DNAH14: variants seen among roughly 807,000 people sequenced by gnomAD.
DNAH14 encodes axonemal beta dynein heavy chain 14.
DNAH14 carries 478 observed loss-of-function variants against 520.9 expected under a neutral mutation model. The observed-to-expected ratio is 0.92, with a 90% CI of 0.85 to 0.99. DNAH14 has a LOEUF of 0.99. DNAH14 is among the 50% of genes least tolerant of loss of function. DNAH14 has a pLI of 0.00. For missense variants in DNAH14, 4,831 were observed against 5,234.5 expected (o/e 0.92, Z 2.38); for synonymous variants, 1,581 against 1,757.2 (o/e 0.90, Z 2.51).
chr1:225,382,421 T>C (rs2095793870), intron 81 of DNAH14, among the ~76,000 whole-genome samples: 1 of 152,034 alleles, frequency 6.6e-6, no homozygotes, highest in African/African-American at 2.4e-5. Flanking sequence ...AAAGCATAAA[T>C]CCAGGCCGGG....
intron 46 of DNAH14, 113 bp from the exon 47 acceptor site, chr1:225,264,084 C>A: frequency 1.1e-6 from 1 of 877,948 alleles, no homozygotes; most frequent in Non-Finnish European, 1.7e-6. Context: ...AAAAATTTTT[C>A]TTGTAAGAGT....
intron 83 of DNAH14, among the ~76,000 whole-genome samples, chr1:225,391,750 G>T (rs1057122237): frequency 4.6e-5 from 7 of 152,108 alleles, no homozygotes; most frequent in Admixed American, 1.3e-4. Context: ...ATAATGACAG[G>T]CATGGTGAGT....
intron 71 of DNAH14, among the ~76,000 whole-genome samples, chr1:225,349,486 A>T (rs1212477250): frequency 6.6e-6 from 1 of 152,180 alleles, no homozygotes; most frequent in Non-Finnish European, 1.5e-5. Flanking sequence ...ATGGATTAAA[A>T]TCTTCAATAA....
chr1:225,305,237 T>C (rs1264315536), intron 58 of DNAH14, 148 bp downstream of exon 58: 18 of 973,262 alleles, frequency 1.8e-5, no homozygotes, highest in Non-Finnish European at 2.5e-5. Flanking sequence ...AGAGATAAGG[T>C]TGACATTCCC....
At chr1:225,162,547 G>T (rs529037518) in intron 35 of DNAH14, among the ~76,000 whole-genome samples, 9 of 152,168 alleles carry the variant, frequency 5.9e-5, no homozygotes, top group African/African-American at 2.2e-4. Context: ...GTAAATTTTA[G>T]AATTGTTTTT....
At chr1:225,051,830 G>T in intron 17 of DNAH14, 35 bp downstream of exon 17, 1 of 1,349,844 alleles carries the variant, frequency 7.4e-7, no homozygotes, top group Non-Finnish European at 9.9e-7. Flanking sequence ...GTGTAAGAAT[G>T]TTTCAGATTA....
chr1:225,380,217 C>T lies in DNAH14; in HGVS notation c.12775C>T (p.Leu4259=), dbSNP rs1359265787. 1 of 1,551,518 alleles carries T rather than the reference C, an allele frequency of 6.4e-7. No homozygotes were observed. The highest frequency in any genetic ancestry group is 8.7e-7 in the Non-Finnish European group (1 of 1,146,978). Residue 4259 remains leucine, a synonymous_variant, in exon 80 of 86, where the codon CTG becomes TTG. Coordinates refer to ENST00000682510, the MANE Select transcript of DNAH14 (RefSeq NM_001367479.1). ...MEILSDLLKR[L]PLTVEKEEIA... ...AATTCTATCCGACTTGCTAAAGCGG[C>T]TGCCACTGACAGTGGAGAAAGAAGA...
chr1:225,141,129 G>A (rs1284873553), intron 28 of DNAH14, 108 bp downstream of exon 28: 11 of 1,118,010 alleles, frequency 9.8e-6, no homozygotes, highest in African/African-American at 3.2e-5. Context: ...TTAATTTTGG[G>A]GGCTTTACCA....
At chr1:225,323,095 G>T (rs2094585614) in intron 62 of DNAH14, among the ~76,000 whole-genome samples, 1 of 152,178 alleles carries the variant, frequency 6.6e-6, no homozygotes. Flanking sequence ...TAGAAATAGA[G>T]ATGGACCTGT....
intron 38 of DNAH14, among the ~76,000 whole-genome samples, chr1:225,195,641 A>G (rs1343564095): frequency 6.6e-6 from 1 of 151,962 alleles, no homozygotes; most frequent in African/African-American, 2.4e-5. Context: ...ATACCCCTGA[A>G]CCTAAAATAA....
chr1:225,195,786 A>G lies in DNAH14; in HGVS notation c.5886+2875A>G, dbSNP rs551875395. On this transcript the variant is annotated intron_variant, in intron 38 of 85. Coordinates refer to ENST00000682510, the MANE Select transcript of DNAH14 (RefSeq NM_001367479.1). ...AAGATGCTCAGCCCAGCTATTATTC[A>G]AAAAAAAGTTATAACAATGATAGGC... Among the ~76,000 whole-genome samples, 23 of 151,928 alleles carry G rather than the reference A, an allele frequency of 1.5e-4. No individual in the cohort carries two copies. In the South Asian group the frequency reaches 3.7e-3, roughly 25 times the overall value.
At chr1:225,342,502 A>G (rs1481294258) in intron 69 of DNAH14, among the ~76,000 whole-genome samples, 4 of 152,124 alleles carry the variant, frequency 2.6e-5, no homozygotes, top group African/African-American at 9.7e-5. Flanking sequence ...GAATTCTTTA[A>G]TTGCTTTCAT....
intron 17 of DNAH14, among the ~76,000 whole-genome samples, chr1:225,058,912 T>C (rs1359210295): frequency 2.6e-5 from 4 of 152,150 alleles, no homozygotes; most frequent in East Asian, 1.9e-4. Context: ...GTTATAATTT[T>C]TATTCTTTTA....
intron 25 of DNAH14, among the ~76,000 whole-genome samples, chr1:225,118,870 G>A (rs190838949): frequency 3.8e-4 from 52 of 137,354 alleles, no homozygotes; most frequent in African/African-American, 1.4e-3. Flanking sequence ...GTGACAGAAC[G>A]AGACTCTCTC....
intron 11 of DNAH14, among the ~76,000 whole-genome samples, chr1:225,038,425 C>CT (rs1283558002): frequency 2.0e-5 from 3 of 150,336 alleles, no homozygotes; most frequent in Admixed American, 1.3e-4. Context: ...TTATTATTTT[C>CT]TGTTTTTTTT....
Position 225,141,528 on chromosome 1 carries a change from A to T in DNAH14, c.4508+507A>T, listed in dbSNP as rs368635069. ...TATTCCATGCAGATAAGGGGACATT[A>T]CTGCACCCTACTACTGCTTTTCCTT... On this transcript the variant is annotated intron_variant, in intron 28 of 85. Transcript: ENST00000682510. 2.0e-5 allele frequency among the ~76,000 whole-genome samples: 3 copies of T among 152,056 alleles called. 1 individual carries two copies. The highest frequency in any genetic ancestry group is 3.9e-4 in the East Asian group (2 of 5,190).
chr1:225,191,266 A>T (rs2085397450), intron 37 of DNAH14, among the ~76,000 whole-genome samples: 1 of 151,962 alleles, frequency 6.6e-6, no homozygotes, highest in Admixed American at 6.6e-5. Context: ...TTTCCCAGGG[A>T]TGAACTATTT....
At chr1:225,299,768 G>A (rs1220337842) in intron 55 of DNAH14, among the ~76,000 whole-genome samples, 2 of 152,044 alleles carry the variant, frequency 1.3e-5, no homozygotes, top group African/African-American at 4.8e-5. Flanking sequence ...CTTTTCATGT[G>A]ACTCAAAAAG....
intron 81 of DNAH14, among the ~76,000 whole-genome samples, chr1:225,384,011 G>A (rs1296913479): frequency 6.6e-6 from 1 of 152,170 alleles, no homozygotes; most frequent in African/African-American, 2.4e-5. Flanking sequence ...TAGTCATTCA[G>A]GAGCAGGATG....
Sources: allele counts gnomAD v4.1 joint callset (sites outside exome capture counted in the v4.1 genomes callset), GRCh38; gene constraint gnomAD v4.1.1; transcripts MANE v1.5; gene names NCBI Gene and HGNC (gene_info 2026-07-23, HGNC 2026-07-21).